Variants in NCKAP5 observed in about 807,000 individuals in gnomAD.
The protein encoded by NCKAP5 is nck-associated protein 5.
Under a neutral mutation model 167.0 loss-of-function variants are expected in NCKAP5, and 92 were observed. The observed-to-expected ratio is 0.55, with a 90% CI of 0.47 to 0.66. NCKAP5 has a LOEUF of 0.66. NCKAP5 is among the 30% of genes least tolerant of loss of function. The pLI, the probability that NCKAP5 is intolerant of heterozygous loss-of-function variation, is 0.00. For synonymous variants in NCKAP5, 891 were observed against 877.4 expected (o/e 1.02, Z -0.27); for missense variants, 2,378 against 2,315.0 (o/e 1.03, Z -0.56).
rs1314547958 is a variant in NCKAP5 at position 132,878,929 on chromosome 2, AC to A, written c.580-14del. On this transcript the variant is annotated splice_polypyrimidine_tract_variant and intron_variant, in intron 8 of 19. Coordinates refer to ENST00000409261, the MANE Select transcript of NCKAP5 (RefSeq NM_207363.3). ...CTGAATTCTCTGCCTGCAGTAAGAT[AC>A]AAAAATAACACAAATAAATCAATGA... 6.3e-7 allele frequency: 1 copy of A among 1,598,992 alleles called. No individual in the cohort carries two copies. The highest frequency in any genetic ancestry group is 1.3e-5 in the African/African-American group (1 of 74,588).
rs188969040 is a variant in NCKAP5 at position 132,784,484 on chromosome 2, G to A, written c.2327C>T (p.Pro776Leu). Residue 776 changes from proline (P) to leucine (L), a missense_variant, in exon 14 of 20, where the codon CCA becomes CTA. Around this residue, in one of 3 missense-constraint regions of NCKAP5, gnomAD observed 1,049 missense variants for 1,023.4 expected, o/e 1.02. Transcript: ENST00000409261. ...QNPQQQKLVK[P>L]THNISCQSNS... ...ACTCTGGCATGATATATTGTGTGTT[G>A]GTTTGACCAGCTTTTGCTGCTGAGG... 5 of 1,579,792 alleles carry A rather than the reference G, an allele frequency of 3.2e-6. No homozygotes were observed. Among genetic ancestry groups the A allele is most frequent in the Non-Finnish European group, 3.4e-6 (4 of 1,164,212 alleles).
intron 13 of NCKAP5, among the ~76,000 whole-genome samples, chr2:132,789,765 A>G (rs1006578871): frequency 3.3e-5 from 5 of 152,202 alleles, no homozygotes; most frequent in Non-Finnish European, 4.4e-5. Flanking sequence ...AAATCTTGGC[A>G]TGTATATAAG....
intron 4 of NCKAP5, chr2:133,266,421 G>A (rs1289934970): frequency 6.5e-6 from 1 of 152,748 alleles, no homozygotes; most frequent in East Asian, 1.9e-4. Flanking sequence ...GGACTGAACG[G>A]GGTAGTGGGA....
chr2:132,991,787 T>C (rs1257588420), intron 7 of NCKAP5, among the ~76,000 whole-genome samples: 4 of 152,182 alleles, frequency 2.6e-5, no homozygotes, highest in Non-Finnish European at 5.9e-5. Context: ...GGTGTGCTAA[T>C]GACACCCCAT....
chr2:132,676,283 CTTTTTTTTT>C (rs61213029), intron 19 of NCKAP5, among the ~76,000 whole-genome samples: 21 of 61,166 alleles, frequency 3.4e-4, no homozygotes, highest in African/African-American at 1.3e-3. Context: ...TTGTTTTATC[CTTTTTTTTT>C]TTTTTTTTTT....
chr2:133,665,536 AATCACAG>A, the NCKAP5 span, among the ~76,000 whole-genome samples: 1 of 152,228 alleles, frequency 6.6e-6, no homozygotes. Flanking sequence ...TAAGATTAAA[AATCACAG>A]ATCACAGATC....
At chr2:132,682,048 A>G (rs1375366639) in intron 19 of NCKAP5, among the ~76,000 whole-genome samples, 1 of 152,220 alleles carries the variant, frequency 6.6e-6, no homozygotes, top group African/African-American at 2.4e-5. Flanking sequence ...GTTATTTGAC[A>G]TATTGAATCC....
At chr2:132,702,761 A>G (rs1688000251) in intron 19 of NCKAP5, among the ~76,000 whole-genome samples, 1 of 152,212 alleles carries the variant, frequency 6.6e-6, no homozygotes, top group Non-Finnish European at 1.5e-5. Context: ...ACTTCAGGTT[A>G]CTGTTTGGCT....
intron 4 of NCKAP5, among the ~76,000 whole-genome samples, chr2:133,262,619 A>G (rs373030486): frequency 3.2e-4 from 49 of 152,336 alleles, no homozygotes; most frequent in African/African-American, 1.1e-3. Flanking sequence ...GGAAGGGCGT[A>G]ATATCCAGGA....
At chr2:133,419,192 G>C (rs1422795857) in intron 3 of NCKAP5, among the ~76,000 whole-genome samples, 1 of 152,102 alleles carries the variant, frequency 6.6e-6, no homozygotes, top group Non-Finnish European at 1.5e-5. Context: ...AAGGTAAAAA[G>C]GACCATGTGA....
At chr2:133,464,262 A>G (rs954308994) in intron 3 of NCKAP5, among the ~76,000 whole-genome samples, 1 of 152,160 alleles carries the variant, frequency 6.6e-6, no homozygotes, top group African/African-American at 2.4e-5. Context: ...AAGAACTTTT[A>G]CCTTTTCACT....
At chr2:133,228,459 C>T (rs570801534) in intron 4 of NCKAP5, among the ~76,000 whole-genome samples, 2 of 152,252 alleles carry the variant, frequency 1.3e-5, no homozygotes, top group African/African-American at 4.8e-5. Flanking sequence ...ACTATCTTGA[C>T]CCCTTCCTAG....
intron 8 of NCKAP5, among the ~76,000 whole-genome samples, chr2:132,885,825 G>A (rs1307569423): frequency 1.3e-5 from 2 of 152,172 alleles, no homozygotes; most frequent in Admixed American, 6.6e-5. Context: ...CTATAAATTT[G>A]TTTAATAGAT....
At chr2:133,383,712 C>A (rs1255466135) in intron 3 of NCKAP5, among the ~76,000 whole-genome samples, 6 of 152,196 alleles carry the variant, frequency 3.9e-5, no homozygotes, top group African/African-American at 1.2e-4. Flanking sequence ...TTCTCCACAT[C>A]CTCTCCAGCA....
At chr2:133,223,739 G>A (rs1167875340) in intron 4 of NCKAP5, among the ~76,000 whole-genome samples, 4 of 152,078 alleles carry the variant, frequency 2.6e-5, no homozygotes, top group African/African-American at 2.4e-5. Context: ...CATAAAAGTC[G>A]GTAAGTTTAG....
chr2:132,895,285 C>T (rs572908367), intron 8 of NCKAP5, among the ~76,000 whole-genome samples: 35 of 147,628 alleles, frequency 2.4e-4, no homozygotes, highest in South Asian at 4.3e-4. Context: ...GAGCCGAGAT[C>T]GCGTCACTGC....
Position 133,279,370 on chromosome 2 carries a change from ACT to A in NCKAP5, c.143+23665_143+23666del, listed in dbSNP as rs759062959. Among the ~76,000 whole-genome samples, 70 of 151,952 alleles carry A rather than the reference ACT, an allele frequency of 4.6e-4. 1 individual carries two copies. Among genetic ancestry groups the A allele is most frequent in the Admixed American group, 8.5e-4 (13 of 15,264 alleles). On this transcript the variant is annotated intron_variant, in intron 4 of 19. Transcript: ENST00000409261. The stretch of plus-strand genomic sequence containing the variant: ...CAGTCCTTCATTGGGCTTCTACACC[ACT>A]CTCTGCATAGAACTGAGTAAATGTT...
intron 11 of NCKAP5, among the ~76,000 whole-genome samples, chr2:132,840,718 T>C (rs1196215329): frequency 6.6e-6 from 1 of 152,200 alleles, no homozygotes; most frequent in Non-Finnish European, 1.5e-5. Context: ...CTTGTTTGCA[T>C]TTTTCTTGAC....
chr2:132,892,285 C>A (rs933836176), intron 8 of NCKAP5, among the ~76,000 whole-genome samples: 1 of 152,198 alleles, frequency 6.6e-6, no homozygotes, highest in Non-Finnish European at 1.5e-5. Context: ...TTTATCAACT[C>A]ATTATTACAT....
Sources: gnomAD v4.1 joint callset for allele counts (sites outside exome capture counted in the v4.1 genomes callset) on GRCh38, gnomAD v4.1.1 for gene constraint, gnomAD v4.1.1 regional missense constraint, MANE v1.5 for transcripts, NCBI Gene and HGNC (gene_info 2026-07-23, HGNC 2026-07-21) for gene names.